SEMA6D: variants seen among roughly 807,000 people sequenced by gnomAD.
SEMA6D encodes the protein semaphorin 6D.
SEMA6D carries 35 observed loss-of-function variants against 106.6 expected under a neutral mutation model. The ratio of observed to expected loss-of-function variants is 0.33; its 90% CI spans 0.25 to 0.44. The LOEUF (loss-of-function observed/expected upper bound fraction) is 0.44. Ranked by LOEUF, SEMA6D falls within the 20% of genes least tolerant of loss-of-function variation. SEMA6D has a pLI of 1.00. For missense variants in SEMA6D, 1,185 were observed against 1,345.9 expected (o/e 0.88, Z 1.87); for synonymous variants, 499 against 487.7 (o/e 1.02, Z -0.31).
intron 4 of SEMA6D, among the ~76,000 whole-genome samples, chr15:47,652,204 G>A (rs1486146210): frequency 6.6e-6 from 1 of 152,138 alleles, no homozygotes; most frequent in African/African-American, 2.4e-5. Flanking sequence ...AAGTAATGTG[G>A]AGTGAATGAG....
chr15:47,594,701 G>T (rs1007958640), intron 3 of SEMA6D, among the ~76,000 whole-genome samples: 1 of 152,160 alleles, frequency 6.6e-6, no homozygotes, highest in Non-Finnish European at 1.5e-5. Context: ...ACACAGAAAA[G>T]TATAATTTAT....
At chr15:47,650,736 G>T (rs1462950573) in intron 4 of SEMA6D, among the ~76,000 whole-genome samples, 1 of 152,128 alleles carries the variant, frequency 6.6e-6, no homozygotes, top group East Asian at 1.9e-4. Context: ...AAACAACAAT[G>T]CTAAGTGCCA....
chr15:47,570,148 A>G (rs1195768361), intron 3 of SEMA6D, among the ~76,000 whole-genome samples: 2 of 151,928 alleles, frequency 1.3e-5, no homozygotes, highest in African/African-American at 4.8e-5. Context: ...AAGTCTTTTT[A>G]TTAAAATCAA....
intron 2 of SEMA6D, among the ~76,000 whole-genome samples, chr15:47,419,455 A>G (rs281219): frequency 0.86 from 130,156 of 152,054 alleles, 56,278 homozygotes; most frequent in East Asian, 0.98. Context: ...GAATGGAGGG[A>G]GAATGAACTG....
intron 2 of SEMA6D, among the ~76,000 whole-genome samples, chr15:47,414,302 A>G (rs2140326137): frequency 6.6e-6 from 1 of 152,300 alleles, no homozygotes; most frequent in African/African-American, 2.4e-5. Flanking sequence ...CCAAAGCCTA[A>G]CTTCTATACA....
At chr15:47,202,374 A>G (rs1894780295) in intron 1 of SEMA6D, among the ~76,000 whole-genome samples, 1 of 152,028 alleles carries the variant, frequency 6.6e-6, no homozygotes, top group Non-Finnish European at 1.5e-5. Flanking sequence ...ACACATTAAG[A>G]GGCAAAATGG....
At chr15:47,669,489 C>G (rs1168481542) in intron 4 of SEMA6D, among the ~76,000 whole-genome samples, 1 of 152,206 alleles carries the variant, frequency 6.6e-6, no homozygotes, top group Non-Finnish European at 1.5e-5. Flanking sequence ...CATCCCAAAA[C>G]TCCAAAGCCC....
chr15:47,629,840 G>A (rs2077263318), intron 4 of SEMA6D, among the ~76,000 whole-genome samples: 1 of 151,840 alleles, frequency 6.6e-6, no homozygotes, highest in South Asian at 2.1e-4. Flanking sequence ...TTAATATAGT[G>A]ACCACCAATG....
intron 3 of SEMA6D, among the ~76,000 whole-genome samples, chr15:47,499,731 A>G (rs2043785264): frequency 6.6e-6 from 1 of 152,164 alleles, no homozygotes; most frequent in Admixed American, 6.5e-5. Context: ...AATGAAAGAT[A>G]AAGCTATATC....
intron 1 of SEMA6D, among the ~76,000 whole-genome samples, chr15:47,281,773 C>G (rs992435113): frequency 1.3e-5 from 2 of 152,058 alleles, no homozygotes; most frequent in African/African-American, 2.4e-5. Flanking sequence ...TTACTGCAAT[C>G]TTTGCTTTGT....
chr15:47,586,983 G>C (rs1414713274), intron 3 of SEMA6D, among the ~76,000 whole-genome samples: 1 of 149,612 alleles, frequency 6.7e-6, no homozygotes. Context: ...GCTGCCAAAG[G>C]GTAGGCTAGA....
intron 3 of SEMA6D, among the ~76,000 whole-genome samples, chr15:47,560,555 A>G (rs1159640398): frequency 6.6e-6 from 1 of 152,114 alleles, no homozygotes; most frequent in African/African-American, 2.4e-5. Flanking sequence ...AAATGAACAG[A>G]ACTTCAAAAA....
rs535289406 is a variant in SEMA6D at position 47,730,670 on chromosome 15, G to A, written c.-55+12978G>A. The A allele has an allele frequency of 3.7e-6, 6 of 1,608,500 alleles. No individual in the cohort carries two copies. The African/African-American group carries it at 6.7e-5, about 18-fold the overall frequency. ...GGCCAGCTTATGCAGCTCGCTGTTTGGCGGTCCAGGGCCTGGGTGAACTGG... is the reference window on the plus strand; with the variant it reads ...GGCCAGCTTATGCAGCTCGCTGTTTAGCGGTCCAGGGCCTGGGTGAACTGG... On this transcript the variant is annotated intron_variant, in intron 1 of 18. Transcript: ENST00000536845.
At chr15:47,304,432 C>T (rs1245990800) in intron 1 of SEMA6D, among the ~76,000 whole-genome samples, 5 of 58,256 alleles carry the variant, frequency 8.6e-5, no homozygotes, top group African/African-American at 7.8e-4. Context: ...AGCCTTCTAA[C>T]TAAAAAAAAA....
At position 47,589,723 on chromosome 15, in the gene SEMA6D, C is replaced by T. The variant is rs147488250; in HGVS notation, c.-86-11142C>T. Among the ~76,000 whole-genome samples the T allele has an allele frequency of 4.4e-3, 669 of 152,330 alleles. 1 individual carries two copies. The highest frequency in any genetic ancestry group is 7.8e-3 in the Non-Finnish European group (528 of 68,036). On this transcript the variant is annotated intron_variant, in intron 3 of 19. Coordinates refer to the SEMA6D transcript ENST00000558014. ...TATTGGCTAAGGGATCCCTCGAGAA[C>T]AGCAACTCATCCACTGGATTGAACA...
chr15:47,529,044 T>C (rs2044857873), intron 3 of SEMA6D, among the ~76,000 whole-genome samples: 1 of 152,238 alleles, frequency 6.6e-6, no homozygotes, highest in African/African-American at 2.4e-5. Context: ...TATAGTCTTA[T>C]CAATAACATA....
chr15:47,766,065 A>G (rs1310961912), intron 14 of SEMA6D, 40 bp from the exon 15 acceptor site: 1 of 1,612,784 alleles, frequency 6.2e-7, no homozygotes, highest in South Asian at 1.1e-5. Context: ...ACCTTTGTTG[A>G]TGAGAAAATC....
intron 1 of SEMA6D, among the ~76,000 whole-genome samples, chr15:47,740,806 G>A (rs1396840688): frequency 6.6e-6 from 1 of 152,098 alleles, no homozygotes; most frequent in Non-Finnish European, 1.5e-5. Flanking sequence ...GGAGACAAAG[G>A]CTTGATGTTA....
chr15:47,543,846 A>G (rs1269895517), intron 3 of SEMA6D, among the ~76,000 whole-genome samples: 1 of 152,132 alleles, frequency 6.6e-6, no homozygotes, highest in Non-Finnish European at 1.5e-5. Flanking sequence ...AAGTGGAGAA[A>G]AAAAACCCTT....
Sources: gnomAD v4.1 joint callset for allele counts (sites outside exome capture counted in the v4.1 genomes callset) on GRCh38, gnomAD v4.1.1 for gene constraint, MANE v1.5 for transcripts, NCBI Gene and HGNC (gene_info 2026-07-23, HGNC 2026-07-21) for gene names.